KDM1B: variants seen among roughly 807,000 people sequenced by gnomAD.
The protein encoded by KDM1B is lysine-specific histone demethylase 2.
In KDM1B, 63 loss-of-function variants were observed where a neutral mutation model predicts 107.4. That is an observed-to-expected ratio of 0.59 (90% CI 0.48 to 0.72). KDM1B has a LOEUF of 0.72. KDM1B is among the 30% of genes least tolerant of loss of function. The pLI is 0.00. For missense variants in KDM1B, 749 were observed against 1,020.8 expected (o/e 0.73, Z 3.63); for synonymous variants, 363 against 363.9 (o/e 1.00, Z 0.03).
rs897423805 is a variant in KDM1B at position 18,213,904 on chromosome 6, A to G, written c.2109+123A>G. On this transcript the variant is annotated intron_variant, in intron 19 of 21. Coordinates refer to ENST00000650836, the MANE Select transcript of KDM1B (RefSeq NM_001364614.2). This position sits in a 1 kb window ranked among gnomAD's most constrained non-coding sequence, Gnocchi z 5.9. ...TCATGGAGACCCTGGGTCTATGTTTATATTCTGGGAGGACACTTGGACTGG... is the reference window on the plus strand; with the variant it reads ...TCATGGAGACCCTGGGTCTATGTTTGTATTCTGGGAGGACACTTGGACTGG... 2 of 1,071,264 alleles carry G rather than the reference A, an allele frequency of 1.9e-6. No individual in the cohort carries two copies. The highest frequency in any genetic ancestry group is 1.5e-5 in the South Asian group (1 of 67,016). 66.4% of individuals were successfully genotyped at this position (1,071,264 alleles called of 1,614,324 possible).
chr6:18,210,999 C>G (rs1561952389), intron 17 of KDM1B, among the ~76,000 whole-genome samples: 1 of 152,000 alleles, frequency 6.6e-6, no homozygotes, highest in Non-Finnish European at 1.5e-5. Flanking sequence ...GACCCTGTCT[C>G]TTTAAAGGGG....
rs1275055996 is a variant in KDM1B, at chr6:18,214,735, C to A, written c.2110-272C>A. Among the ~76,000 whole-genome samples, 1 of 152,060 alleles carries A rather than the reference C, an allele frequency of 6.6e-6. No homozygotes were observed. The highest frequency in any genetic ancestry group is 6.6e-5 in the Admixed American group (1 of 15,260). Reference sequence around the variant, plus strand: ...GACCAGTCTGGCCAACATGGTGAAACCCTGTCTCTACTAAAAATACAAAAG... The same window carrying A: ...GACCAGTCTGGCCAACATGGTGAAAACCTGTCTCTACTAAAAATACAAAAG... On this transcript the variant is annotated intron_variant, in intron 19 of 21. Transcript: ENST00000650836. The surrounding 1 kb of genome is among the most constrained non-coding windows in gnomAD (Gnocchi z 4.4).
chr6:18,201,965 G>A lies in KDM1B; in HGVS notation c.1531+308G>A, dbSNP rs916431717. On this transcript the variant is annotated intron_variant, in intron 14 of 21. Coordinates refer to ENST00000650836, the MANE Select transcript of KDM1B (RefSeq NM_001364614.2). The surrounding 1 kb of genome is among the most constrained non-coding windows in gnomAD (Gnocchi z 4.3). ...GAGTAGCTTACTTTTATGGGAACAT[G>A]TGGTAAGCCCTGTGTGATAAATCAT... is the stretch of plus-strand genomic sequence containing the variant. Among the ~76,000 whole-genome samples, 1 of 152,180 alleles carries A rather than the reference G, an allele frequency of 6.6e-6. No homozygotes were observed. The highest frequency in any genetic ancestry group is 1.5e-5 in the Non-Finnish European group (1 of 68,032).
intron 20 of KDM1B, among the ~76,000 whole-genome samples, chr6:18,217,091 G>A (rs1308007910): frequency 6.6e-6 from 1 of 151,996 alleles, no homozygotes; most frequent in Non-Finnish European, 1.5e-5. Flanking sequence ...ACTCCTTTCT[G>A]CTACCACACG....
intron 10 of KDM1B, among the ~76,000 whole-genome samples, chr6:18,193,964 C>A (rs1007271610): frequency 7.2e-5 from 11 of 152,100 alleles, no homozygotes; most frequent in African/African-American, 2.2e-4. Flanking sequence ...ATCTCCGCCT[C>A]CTGGGTTCAA....
intron 10 of KDM1B, among the ~76,000 whole-genome samples, chr6:18,195,648 TCA>T (rs1787592751): frequency 6.9e-6 from 1 of 145,138 alleles, no homozygotes; most frequent in African/African-American, 2.6e-5. Context: ...GGCAGGAAAA[TCA>T]TTTGAACCCG....
At chr6:18,176,142 G>T (rs929153369) in intron 7 of KDM1B, among the ~76,000 whole-genome samples, 6 of 152,092 alleles carry the variant, frequency 3.9e-5, no homozygotes, top group African/African-American at 1.2e-4. Context: ...GCAGTGTTTT[G>T]TAGTTTTCCT....
At chr6:18,183,836 G>A (rs1786647948) in intron 7 of KDM1B, among the ~76,000 whole-genome samples, 1 of 151,932 alleles carries the variant, frequency 6.6e-6, no homozygotes, top group African/African-American at 2.4e-5. Flanking sequence ...TCGTGTTCAT[G>A]AATATAAGGG....
chr6:18,219,346 GA>G (rs930649001), intron 21 of KDM1B, among the ~76,000 whole-genome samples: 3 of 152,096 alleles, frequency 2.0e-5, no homozygotes, highest in African/African-American at 7.2e-5. Flanking sequence ...AAATAAAGAT[GA>G]GTTTTTTCTC....
rs2150936516 is a variant in KDM1B, at chr6:18,191,855, A to G, written c.969+474A>G. Among the ~76,000 whole-genome samples the G allele has an allele frequency of 6.6e-6, 1 of 152,326 alleles. No individual in the cohort carries two copies. The highest frequency in any genetic ancestry group is 6.5e-5 in the Admixed American group (1 of 15,298). On this transcript the variant is annotated intron_variant, in intron 10 of 21. Coordinates refer to ENST00000650836, the MANE Select transcript of KDM1B (RefSeq NM_001364614.2). The surrounding 1 kb of genome is among the most constrained non-coding windows in gnomAD (Gnocchi z 5.1). The stretch of plus-strand genomic sequence containing the variant: ...TCGGCATCCTAAATCAACCAAGACC[A>G]GTACATTTCTTCTGTTGGGTCTAAA...
chr6:18,193,194 TAA>T lies in KDM1B; in HGVS notation c.969+1833_969+1834del, dbSNP rs541938365. Reference sequence around the variant, plus strand: ...TGGGCAACAAGAACGAAACTCTGTCTAAAAAAAAAAAAAAAAAAAAAGAATTT... The same window carrying T: ...TGGGCAACAAGAACGAAACTCTGTCTAAAAAAAAAAAAAAAAAAAGAATTT... On this transcript the variant is annotated intron_variant, in intron 10 of 21. Coordinates refer to ENST00000650836, the MANE Select transcript of KDM1B (RefSeq NM_001364614.2). Among the ~76,000 whole-genome samples, 294 of 60,074 alleles carry T rather than the reference TAA, an allele frequency of 4.9e-3. 3 individuals carry two copies. Among genetic ancestry groups the T allele is most frequent in the African/African-American group, 0.015 (262 of 17,816 alleles). 39.4% of individuals were successfully genotyped at this position (60,074 alleles called of 152,430 possible). A position where few individuals can be genotyped will look rare whatever the true frequency, so the allele number is the denominator to read the frequency against.
In KDM1B at chr6:18,192,074, C is replaced by T. The variant is rs150920948; in HGVS notation, c.969+693C>T. ...AGGAGTTCAAGACCAGCCTGGGCAA[C>T]ATAATGAGACCCCCCCATCTCTACA... On this transcript the variant is annotated intron_variant, in intron 10 of 21. Coordinates refer to ENST00000650836, the MANE Select transcript of KDM1B (RefSeq NM_001364614.2). 5.1e-3 allele frequency among the ~76,000 whole-genome samples: 773 copies of T among 151,286 alleles called. 5 individuals carry two copies. The highest frequency in any genetic ancestry group is 0.01 in the Middle Eastern group (3 of 292).
intron 10 of KDM1B, among the ~76,000 whole-genome samples, chr6:18,192,318 A>G (rs761145888): frequency 6.6e-6 from 1 of 152,188 alleles, no homozygotes; most frequent in Non-Finnish European, 1.5e-5. Context: ...TATTAATTTA[A>G]TCAGCAGTTT....
At chr6:18,202,008 T>C (rs1272989829) in intron 14 of KDM1B, among the ~76,000 whole-genome samples, 2 of 152,196 alleles carry the variant, frequency 1.3e-5, no homozygotes, top group Non-Finnish European at 2.9e-5. Context: ...TAATGTCTTT[T>C]CTAGGTAAGG....
intron 10 of KDM1B, among the ~76,000 whole-genome samples, chr6:18,192,490 G>A (rs1347525073): frequency 6.6e-6 from 1 of 152,136 alleles, no homozygotes; most frequent in Non-Finnish European, 1.5e-5. Flanking sequence ...ATGAATTATA[G>A]CCAGGTGAGT....
rs576318863 is a variant in KDM1B at position 18,187,300 on chromosome 6, T to G, written c.574-492T>G. On this transcript the variant is annotated intron_variant, in intron 8 of 21. Coordinates refer to ENST00000650836, the MANE Select transcript of KDM1B (RefSeq NM_001364614.2). ...GCAGTGTACTTTTCCCTCTGAAAGT[T>G]TTTTAGTAGCCTTTGGCAAAAAGCG... is the stretch of plus-strand genomic sequence containing the variant. Among the ~76,000 whole-genome samples the G allele has an allele frequency of 4.6e-5, 7 of 152,316 alleles. No homozygotes were observed. The South Asian group carries it at 1.4e-3, about 32-fold the overall frequency.
At position 18,171,391 on chromosome 6, in the gene KDM1B, A is replaced by G. The variant is rs1339778468; in HGVS notation, c.446A>G (p.Lys149Arg). Residue 149 changes from lysine (K) to arginine (R), a missense_variant, in exon 7 of 22, where the codon AAA (lysine) becomes AGA (arginine). Coordinates refer to ENST00000650836, the MANE Select transcript of KDM1B (RefSeq NM_001364614.2). ...CAGTGTACAAAACCTGAGTGTAGAA[A>G]ATGGAGGCAGCTTACCAAGGAAATC... is the stretch of plus-strand genomic sequence containing the variant. Reference protein sequence around the residue: ...WVQCTKPECRKWRQLTKEIQL... With the variant: ...WVQCTKPECRRWRQLTKEIQL... 6.2e-7 allele frequency: 1 copy of G among 1,611,826 alleles called. No homozygotes were observed. The highest frequency in any genetic ancestry group is 8.5e-7 in the Non-Finnish European group (1 of 1,177,972).
At position 18,201,647 on chromosome 6, in the gene KDM1B, C is replaced by T; in HGVS notation, c.1521C>T (p.Val507=). Residue 507 remains valine (V), a synonymous_variant, in exon 14 of 22, where the codon GTC becomes GTT. Coordinates refer to ENST00000650836, the MANE Select transcript of KDM1B (RefSeq NM_001364614.2). This position sits in a 1 kb window ranked among gnomAD's most constrained non-coding sequence, Gnocchi z 4.3. ...WRKDKTQLQD[V]PLGEKIEEIY... is the part of the protein sequence containing the mutation. ...AGGATAAGACTCAGCTCCAAGATGT[C>T]CCTTTAGGAGGTATGGGGAGAACGG... 6.5e-7 allele frequency: 1 copy of T among 1,549,524 alleles called. No homozygotes were observed. Among genetic ancestry groups the T allele is most frequent in the Non-Finnish European group, 8.7e-7 (1 of 1,146,528 alleles).
At chr6:18,187,738 A>G (rs995541117) in intron 8 of KDM1B, 54 bp from the exon 9 acceptor site, 5 of 1,180,970 alleles carry the variant, frequency 4.2e-6, no homozygotes, top group East Asian at 2.6e-5. Context: ...CAGAATCTGC[A>G]TGTACATTTC....
Sources: gnomAD v4.1 joint callset for allele counts (sites outside exome capture counted in the v4.1 genomes callset) on GRCh38, gnomAD v4.1.1 for gene constraint, Gnocchi (gnomAD v3.1) non-coding constraint, MANE v1.5 for transcripts, NCBI Gene and HGNC (gene_info 2026-07-23, HGNC 2026-07-21) for gene names.